TPD52: variants seen among roughly 807,000 people sequenced by gnomAD.
The protein encoded by TPD52 is prostate and colon associated protein.
In TPD52, 17 loss-of-function variants were observed where a neutral mutation model predicts 31.3. That is an observed-to-expected ratio of 0.54 (90% CI 0.37 to 0.82). The LOEUF is 0.82. TPD52 is among the 40% of genes least tolerant of loss of function. TPD52 has a pLI of 0.00. For missense variants in TPD52, 212 were observed against 240.1 expected, an observed-to-expected ratio of 0.88 and a Z score of 0.77; for synonymous variants, 83 against 89.6, an observed-to-expected ratio of 0.93 and a Z score of 0.42.
chr8:80,061,627 C>T (rs1029432970), intron 2 of TPD52, among the ~76,000 whole-genome samples: 16 of 151,938 alleles, frequency 1.1e-4, no homozygotes, highest in South Asian at 2.1e-4. Context: ...AAGGCTGCCC[C>T]GAGCCATGAT....
chr8:80,139,346 C>T (rs557003762), intron 1 of TPD52, among the ~76,000 whole-genome samples: 4 of 151,998 alleles, frequency 2.6e-5, no homozygotes, highest in Admixed American at 6.6e-5. Flanking sequence ...CAAACATCAC[C>T]GCAATCTAAT....
chr8:80,160,308 T>C (rs1811261078), intron 1 of TPD52, among the ~76,000 whole-genome samples: 1 of 152,128 alleles, frequency 6.6e-6, no homozygotes, highest in South Asian at 2.1e-4. Flanking sequence ...TCTGGGGAAG[T>C]CGTGATCATT....
intron 1 of TPD52, among the ~76,000 whole-genome samples, chr8:80,087,381 G>C (rs1175047535): frequency 6.6e-6 from 1 of 152,192 alleles, no homozygotes; most frequent in African/African-American, 2.4e-5. Context: ...GTCCTTTGCA[G>C]GGACATGGAT....
intron 2 of TPD52, among the ~76,000 whole-genome samples, chr8:80,057,942 T>C (rs758271385): frequency 2.0e-5 from 3 of 152,194 alleles, no homozygotes; most frequent in Non-Finnish European, 4.4e-5. Context: ...ATAAAGACTA[T>C]GTTTCCTCTT....
intron 1 of TPD52, among the ~76,000 whole-genome samples, chr8:80,137,661 T>C (rs551766438): frequency 6.6e-6 from 1 of 152,384 alleles, no homozygotes; most frequent in South Asian, 2.1e-4. Flanking sequence ...TGTATTATTT[T>C]TCATAAGTAT....
rs1289901722 is a variant in TPD52 at position 80,053,528 on chromosome 8, AT to A, written c.136-99del. The stretch of plus-strand genomic sequence containing the variant: ...ACATCCAAAATTCCAGTCATTAAAC[AT>A]TTTTTTGAATCATTTATCTTTCTCT... On this transcript the variant is annotated intron_variant, in intron 2 of 7. Transcript: ENST00000518937. The A allele has an allele frequency of 7.7e-5, 97 of 1,263,234 alleles. No individual in the cohort carries two copies. The East Asian group carries it at 8.0e-4, about 10-fold the overall frequency. The allele number at this position is 1,263,234 out of a possible 1,614,324, so 78.3% of individuals were successfully genotyped here.
At chr8:80,094,475 T>C (rs1816570104) in intron 1 of TPD52, among the ~76,000 whole-genome samples, 2 of 102,748 alleles carry the variant, frequency 1.9e-5, no homozygotes, top group East Asian at 5.0e-4. Context: ...TATATATATA[T>C]ATATATATAT....
chr8:80,039,164 A>G (rs1364448699), intron 7 of TPD52, among the ~76,000 whole-genome samples: 1 of 152,148 alleles, frequency 6.6e-6, no homozygotes, highest in Non-Finnish European at 1.5e-5. Flanking sequence ...TTTTTGATCT[A>G]CCATCCAAAT....
intron 1 of TPD52, among the ~76,000 whole-genome samples, chr8:80,161,728 A>ATTT (rs1323023025): frequency 4.1e-5 from 5 of 122,074 alleles, no homozygotes; most frequent in Non-Finnish European, 4.7e-5. Context: ...ATATATATAT[A>ATTT]TATATTTTTT....
chr8:80,100,245 A>G (rs1563625605), intron 1 of TPD52, among the ~76,000 whole-genome samples: 1 of 152,168 alleles, frequency 6.6e-6, no homozygotes, highest in East Asian at 1.9e-4. Flanking sequence ...AAATAAACCA[A>G]AGTAATATCT....
chr8:80,104,271 G>A (rs1806944733), intron 1 of TPD52, among the ~76,000 whole-genome samples: 2 of 152,222 alleles, frequency 1.3e-5, no homozygotes, highest in Non-Finnish European at 1.5e-5. Flanking sequence ...GGGGTGTGGG[G>A]AGAAGGATGT....
At chr8:80,170,151 A>C (rs1427184404) in intron 1 of TPD52, among the ~76,000 whole-genome samples, 1 of 152,228 alleles carries the variant, frequency 6.6e-6, no homozygotes, top group Admixed American at 6.5e-5. Context: ...CCAGTGGCTC[A>C]CACCTGTAAT....
chr8:80,046,547 G>A (rs1358734873), intron 5 of TPD52, among the ~76,000 whole-genome samples: 1 of 152,172 alleles, frequency 6.6e-6, no homozygotes, highest in African/African-American at 2.4e-5. Flanking sequence ...AAGCTTAAAT[G>A]TAATATGGAA....
intron 1 of TPD52, among the ~76,000 whole-genome samples, chr8:80,067,998 A>AT (rs1168806273): frequency 2.0e-5 from 3 of 152,102 alleles, no homozygotes; most frequent in Non-Finnish European, 4.4e-5. Context: ...AAATAAGAAC[A>AT]TTTAAAAGTA....
chr8:80,132,816 G>C (rs1809114256), intron 1 of TPD52, among the ~76,000 whole-genome samples: 1 of 152,146 alleles, frequency 6.6e-6, no homozygotes, highest in African/African-American at 2.4e-5. Flanking sequence ...TTCAGAGAAA[G>C]AAACATGGGT....
At chr8:80,076,476 G>A (rs1373074151) in intron 1 of TPD52, among the ~76,000 whole-genome samples, 3 of 148,218 alleles carry the variant, frequency 2.0e-5, no homozygotes, top group Admixed American at 2.0e-4. Context: ...ACACAAAGAG[G>A]GGAACAAATG....
intron 1 of TPD52, among the ~76,000 whole-genome samples, chr8:80,094,386 A>G (rs994641038): frequency 1.2e-4 from 17 of 141,570 alleles, no homozygotes; most frequent in African/African-American, 4.1e-4. Flanking sequence ...GCTCCTTTGC[A>G]GTTAGATGTG....
intron 1 of TPD52, among the ~76,000 whole-genome samples, chr8:80,132,630 T>G (rs1301844338): frequency 6.6e-6 from 1 of 152,172 alleles, no homozygotes; most frequent in African/African-American, 2.4e-5. Flanking sequence ...TGTGTGAAGA[T>G]TCAGGATCCT....
At chr8:80,129,323 C>T (rs533652806) in intron 1 of TPD52, among the ~76,000 whole-genome samples, 25 of 152,270 alleles carry the variant, frequency 1.6e-4, no homozygotes, top group South Asian at 4.2e-4. Flanking sequence ...CACAGGCATA[C>T]AATTTGTATT....
Sources: gnomAD v4.1 joint callset for allele counts (sites outside exome capture counted in the v4.1 genomes callset) on GRCh38, gnomAD v4.1.1 for gene constraint, MANE v1.5 for transcripts, NCBI Gene and HGNC (gene_info 2026-07-23, HGNC 2026-07-21) for gene names.